The following MTMR12 variants were observed in gnomAD, a reference collection of about 807,000 sequenced individuals.
The protein encoded by MTMR12 is myotubularin-related protein 12.
Under a neutral mutation model 96.7 loss-of-function variants are expected in MTMR12, and 33 were observed. The ratio of observed to expected loss-of-function variants is 0.34; its 90% CI spans 0.26 to 0.46. The LOEUF is 0.46. MTMR12 is among the 20% of genes least tolerant of loss of function. The pLI is 1.00. For synonymous variants in MTMR12, 298 were observed against 327.2 expected (o/e 0.91, Z 0.96); for missense variants, 721 against 896.1 (o/e 0.80, Z 2.49).
At chr5:32,295,009 C>A (rs989465090) in intron 1 of MTMR12, among the ~76,000 whole-genome samples, 3 of 152,198 alleles carry the variant, frequency 2.0e-5, no homozygotes, top group African/African-American at 7.2e-5. Flanking sequence ...TAATTTGGAG[C>A]TTTCTCACTG....
Position 32,235,018 on chromosome 5 carries a change from T to C in MTMR12, c.1456A>G (p.Ile486Val), listed in dbSNP as rs914802225. 2.5e-6 allele frequency: 4 copies of C among 1,613,860 alleles called. No homozygotes were observed. Among genetic ancestry groups the C allele is most frequent in the Middle Eastern group, 1.6e-4 (1 of 6,084 alleles). Reference protein sequence around the residue: ...YLTVLSDSLYIPIFSTFFFNS... With the variant: ...YLTVLSDSLYVPIFSTFFFNS... ...AAGAAGAAGGTGCTAAAAATAGGTA[T>C]ATACAGGCTATCTGACAAAACAGTC... Residue 486 changes from isoleucine (I) to valine (V), a missense_variant, in exon 14 of 16, where the codon ATA becomes GTA. By Grantham distance (29) the Ile-to-Val change is conservative. Transcript: ENST00000382142.
At chr5:32,247,656 A>G (rs1748744134) in intron 10 of MTMR12, 3 of 831,018 alleles carry the variant, frequency 3.6e-6, no homozygotes, top group Non-Finnish European at 4.4e-6. Context: ...TATTCACTTT[A>G]TAAATTACTG....
At chr5:32,305,252 C>G (rs1375137716) in intron 1 of MTMR12, among the ~76,000 whole-genome samples, 1 of 152,052 alleles carries the variant, frequency 6.6e-6, no homozygotes, top group Admixed American at 6.6e-5. Flanking sequence ...CCACGCCCGG[C>G]TAATTTTTGT....
chr5:32,290,898 G>A (rs933658263), intron 1 of MTMR12, among the ~76,000 whole-genome samples: 6 of 152,188 alleles, frequency 3.9e-5, no homozygotes, highest in African/African-American at 1.2e-4. Context: ...GAAACTGAAT[G>A]TTTGACTATG....
intron 1 of MTMR12, among the ~76,000 whole-genome samples, chr5:32,298,804 T>A (rs894183719): frequency 2.7e-5 from 4 of 149,712 alleles, no homozygotes; most frequent in African/African-American, 9.9e-5. Context: ...AAAAAAAAAA[T>A]TAGCTGGGCG....
At chr5:32,305,607 T>A (rs1330419166) in intron 1 of MTMR12, among the ~76,000 whole-genome samples, 1 of 152,120 alleles carries the variant, frequency 6.6e-6, no homozygotes, top group African/African-American at 2.4e-5. Context: ...CCTAGAACAA[T>A]ATCTGGGATA....
intron 1 of MTMR12, among the ~76,000 whole-genome samples, chr5:32,310,803 CAAAG>C (rs1751553657): frequency 6.6e-6 from 1 of 151,006 alleles, no homozygotes; most frequent in Non-Finnish European, 1.5e-5. Flanking sequence ...GTGTGTAACA[CAAAG>C]GAAGGATAAA....
intron 13 of MTMR12, among the ~76,000 whole-genome samples, chr5:32,238,501 A>G (rs918441395): frequency 1.1e-4 from 17 of 152,268 alleles, no homozygotes; most frequent in African/African-American, 3.6e-4. Flanking sequence ...CAATTTTTGG[A>G]TTAAGGATGC....
chr5:32,230,099 C>A lies in MTMR12; in HGVS notation c.1923G>T (p.Gln641His), dbSNP rs757526354. 6.2e-7 allele frequency: 1 copy of A among 1,612,812 alleles called. No homozygotes were observed. Among genetic ancestry groups the A allele is most frequent in the Admixed American group, 1.7e-5 (1 of 59,934 alleles). Residue 641 changes from glutamine (Q) to histidine (H), a missense_variant, in exon 16 of 16, where the codon CAG (glutamine) becomes CAT (histidine). Gln to His is a conservative substitution (Grantham distance 24). Coordinates refer to ENST00000382142, the MANE Select transcript of MTMR12 (RefSeq NM_001040446.3). ...CTTCTGGAATCCAACGTAGGTAGCG[C>A]TGGGCCCAGACTTTGATTTCGGGCC... ...IEGPEIKVWA[Q>H]RYLRWIPEAQ...
At chr5:32,254,617 T>C (rs990066852) in intron 8 of MTMR12, among the ~76,000 whole-genome samples, 1 of 151,302 alleles carries the variant, frequency 6.6e-6, no homozygotes, top group Non-Finnish European at 1.5e-5. Context: ...CCGAGGCGGG[T>C]GGATCACCTG....
intron 1 of MTMR12, chr5:32,309,726 G>A (rs189631732): frequency 1.6e-4 from 24 of 152,110 alleles, no homozygotes; most frequent in Non-Finnish European, 2.9e-4. Context: ...CATGGCCCCT[G>A]CGCAAGGATG....
chr5:32,298,826 G>A (rs1354378319), intron 1 of MTMR12, among the ~76,000 whole-genome samples: 4 of 151,782 alleles, frequency 2.6e-5, no homozygotes, highest in Non-Finnish European at 4.4e-5. Flanking sequence ...GGTGGCAGGC[G>A]TCTGTAGTCC....
intron 1 of MTMR12, among the ~76,000 whole-genome samples, chr5:32,281,032 G>A (rs1027321922): frequency 1.3e-5 from 2 of 151,728 alleles, no homozygotes; most frequent in South Asian, 4.2e-4. Context: ...TGGATCACTT[G>A]AGGCCAGGAG....
chr5:32,288,499 G>GAGGTT (rs1750629478), intron 1 of MTMR12, among the ~76,000 whole-genome samples: 1 of 152,206 alleles, frequency 6.6e-6, no homozygotes, highest in Admixed American at 6.5e-5. Context: ...CAGGTGAGGT[G>GAGGTT]AGGTTGAGAC....
In MTMR12 at chr5:32,229,823, ATCG is replaced by A; in HGVS notation, c.2196_2198del (p.Asp733del). ...CGAACTCATCTTCTCGTTTGGCCAA[ATCG>A]TCTTCATCTCCCAAAGCTTTCCAGC... On this transcript the variant is annotated inframe_deletion, in exon 16 of 16. Coordinates refer to ENST00000382142, the MANE Select transcript of MTMR12 (RefSeq NM_001040446.3). 1.9e-6 allele frequency: 3 copies of A among 1,573,882 alleles called. No individual in the cohort carries two copies. The highest frequency in any genetic ancestry group is 2.6e-6 in the Non-Finnish European group (3 of 1,160,732).
intron 7 of MTMR12, among the ~76,000 whole-genome samples, chr5:32,260,203 C>G (rs1284792874): frequency 1.3e-5 from 2 of 151,520 alleles, no homozygotes; most frequent in Non-Finnish European, 2.9e-5. Flanking sequence ...CACAAAGCTG[C>G]AGTCAAACCA....
chr5:32,290,843 TCTC>T (rs1022490569), intron 1 of MTMR12, among the ~76,000 whole-genome samples: 5 of 152,116 alleles, frequency 3.3e-5, no homozygotes, highest in Admixed American at 3.3e-4. Context: ...AGATAACGAC[TCTC>T]CTTTTGAAAG....
At chr5:32,295,585 A>G (rs1750893667) in intron 1 of MTMR12, among the ~76,000 whole-genome samples, 1 of 152,226 alleles carries the variant, frequency 6.6e-6, no homozygotes. Context: ...ATTTCAGACT[A>G]CGAATCTATT....
chr5:32,286,065 C>T (rs1027229452), intron 1 of MTMR12, among the ~76,000 whole-genome samples: 3 of 152,174 alleles, frequency 2.0e-5, no homozygotes, highest in African/African-American at 7.2e-5. Flanking sequence ...TAAGGCCAGG[C>T]ACAGTGGCTC....
Sources: gnomAD v4.1 joint callset for allele counts (sites outside exome capture counted in the v4.1 genomes callset) on GRCh38, gnomAD v4.1.1 for gene constraint, MANE v1.5 for transcripts, NCBI Gene and HGNC (gene_info 2026-07-23, HGNC 2026-07-21) for gene names.